Variants in EIF3E observed in about 807,000 individuals in gnomAD.
The protein encoded by EIF3E is eIF-3 p48.
EIF3E carries 25 observed loss-of-function variants against 59.3 expected under a neutral mutation model. The observed-to-expected ratio is 0.42, with a 90% CI of 0.31 to 0.59. EIF3E has a LOEUF of 0.59. EIF3E is among the 20% of genes least tolerant of loss of function. EIF3E has a pLI of 0.15. For synonymous variants in EIF3E, 176 were observed against 170.2 expected (o/e 1.03, Z -0.26); for missense variants, 317 against 534.3 (o/e 0.59, Z 4.01).
Position 108,201,445 on chromosome 8 carries a change from A to G in EIF3E, c.*440T>C, listed in dbSNP as rs1234626837. 6.6e-6 allele frequency: 1 copy of G among 152,196 alleles called. No homozygotes were observed. Among genetic ancestry groups the G allele is most frequent in the African/African-American group, 2.4e-5 (1 of 41,382 alleles). 9.4% of individuals were successfully genotyped at this position (152,196 alleles called of 1,614,324 possible). A position where few individuals can be genotyped will look rare whatever the true frequency, so the allele number is the denominator to read the frequency against. Reference sequence around the variant, plus strand: ...TTGGTTGGGAGTAGGTATGGCTACAAAAAGGTAGCATGAGGGAGATCATGA... The same window carrying G: ...TTGGTTGGGAGTAGGTATGGCTACAGAAAGGTAGCATGAGGGAGATCATGA... On this transcript the variant is annotated 3_prime_UTR_variant, in exon 13 of 13. Transcript: ENST00000220849.
chr8:108,232,554 A>C (rs1202853306), intron 5 of EIF3E, among the ~76,000 whole-genome samples: 2 of 152,188 alleles, frequency 1.3e-5, no homozygotes, highest in Non-Finnish European at 2.9e-5. Context: ...CACCAAACCT[A>C]CAAGTACAAA....
At chr8:108,245,284 G>A (rs1488793589) in intron 1 of EIF3E, among the ~76,000 whole-genome samples, 1 of 152,038 alleles carries the variant, frequency 6.6e-6, no homozygotes, top group Admixed American at 6.6e-5. Flanking sequence ...TGGGTAACAT[G>A]GTGAAACCCC....
At chr8:108,215,831 T>C (rs183442448) in intron 9 of EIF3E, among the ~76,000 whole-genome samples, 17 of 152,326 alleles carry the variant, frequency 1.1e-4, no homozygotes, top group Admixed American at 1.1e-3. Flanking sequence ...ACTTGTAAAC[T>C]AATTATTCAA....
chr8:108,241,961 T>C (rs1441482991), intron 1 of EIF3E, 48 bp from the exon 2 acceptor site: 4 of 1,315,754 alleles, frequency 3.0e-6, no homozygotes, highest in East Asian at 2.3e-5. Flanking sequence ...GTTCCCCAAA[T>C]AAACTGATTA....
At chr8:108,238,676 T>C (rs1455065203) in intron 3 of EIF3E, among the ~76,000 whole-genome samples, 4 of 152,090 alleles carry the variant, frequency 2.6e-5, no homozygotes, top group African/African-American at 9.7e-5. Flanking sequence ...TAGTACGCTA[T>C]AGTATGGCAC....
intron 7 of EIF3E, among the ~76,000 whole-genome samples, chr8:108,224,320 T>C (rs1049411675): frequency 6.6e-6 from 1 of 151,594 alleles, no homozygotes; most frequent in South Asian, 2.1e-4. Flanking sequence ...TACTGTGCTA[T>C]AAGAAATTAG....
At chr8:108,212,724 C>A (rs548968744) in intron 10 of EIF3E, among the ~76,000 whole-genome samples, 1 of 152,034 alleles carries the variant, frequency 6.6e-6, no homozygotes, top group Non-Finnish European at 1.5e-5. Context: ...ATCTCTTGAA[C>A]GCGAGAGGCA....
At chr8:108,236,552 A>G (rs1815733371) in intron 3 of EIF3E, among the ~76,000 whole-genome samples, 1 of 152,220 alleles carries the variant, frequency 6.6e-6, no homozygotes, top group Non-Finnish European at 1.5e-5. Flanking sequence ...TAATCTACTG[A>G]GAATGGTTTT....
At chr8:108,216,178 A>G (rs1815299041) in intron 9 of EIF3E, among the ~76,000 whole-genome samples, 1 of 152,210 alleles carries the variant, frequency 6.6e-6, no homozygotes, top group Middle Eastern at 3.2e-3. Context: ...ACACATGGCA[A>G]CAACATTAAA....
chr8:108,228,658 T>C (rs1387337172), intron 6 of EIF3E, among the ~76,000 whole-genome samples: 1 of 152,162 alleles, frequency 6.6e-6, no homozygotes, highest in African/African-American at 2.4e-5. Flanking sequence ...AGTTATAAAT[T>C]ATAATCATTT....
At chr8:108,213,812 T>C (rs1194108175) in intron 10 of EIF3E, among the ~76,000 whole-genome samples, 1 of 152,176 alleles carries the variant, frequency 6.6e-6, no homozygotes, top group African/African-American at 2.4e-5. Flanking sequence ...AATCCCATGA[T>C]TATACTATCC....
chr8:108,224,453 G>C (rs1401883145), intron 7 of EIF3E, among the ~76,000 whole-genome samples: 1 of 151,332 alleles, frequency 6.6e-6, no homozygotes, highest in East Asian at 1.9e-4. Flanking sequence ...AGAATATGAA[G>C]TCCAGGAAAT....
At chr8:108,245,278 TAACATGGTGAAACCCCATCTCTAC>T in intron 1 of EIF3E, among the ~76,000 whole-genome samples, 1 of 151,916 alleles carries the variant, frequency 6.6e-6, no homozygotes, top group East Asian at 1.9e-4. Context: ...CCAGCCTGGG[TAACATGGTGAAACCCCATCTCTAC>T]AAAAAATACA....
chr8:108,242,065 C>A, intron 1 of EIF3E, 152 bp from the exon 2 acceptor site: 1 of 1,345,228 alleles, frequency 7.4e-7, no homozygotes, highest in Non-Finnish European at 9.9e-7. Context: ...TAATGGCAAG[C>A]AATATGGCAA....
chr8:108,234,926 A>G (rs757746926), intron 5 of EIF3E, 72 bp downstream of exon 5: 5 of 971,540 alleles, frequency 5.1e-6, no homozygotes, highest in South Asian at 3.7e-5. Flanking sequence ...ATCTATATAC[A>G]TGTTTTGAAG....
chr8:108,215,401 A>G (rs2129863568), intron 9 of EIF3E, among the ~76,000 whole-genome samples: 1 of 152,112 alleles, frequency 6.6e-6, no homozygotes. Flanking sequence ...GGCAGATCAC[A>G]AGATCAGGAG....
At chr8:108,212,989 T>G (rs541821345) in intron 10 of EIF3E, among the ~76,000 whole-genome samples, 2 of 152,174 alleles carry the variant, frequency 1.3e-5, no homozygotes, top group African/African-American at 4.8e-5. Context: ...TGTAGATTTT[T>G]GTCTAGCAGA....
At chr8:108,240,955 G>C (rs764550287) in intron 2 of EIF3E, among the ~76,000 whole-genome samples, 8 of 150,824 alleles carry the variant, frequency 5.3e-5, no homozygotes, top group Non-Finnish European at 1.2e-4. Context: ...ACTCCAGCCC[G>C]GGCAACACAG....
At position 108,201,630 on chromosome 8, in the gene EIF3E, A is replaced by T; in HGVS notation, c.*255T>A. On this transcript the variant is annotated 3_prime_UTR_variant, in exon 13 of 13. Transcript: ENST00000220849. ...GAAAAAATTGAGGGAAACAGGGTTC[A>T]GCCTACAGGGACTTCTCTGTACTAT... The T allele has an allele frequency of 3.6e-6, 1 of 279,022 alleles. No homozygotes were observed. The highest frequency in any genetic ancestry group is 6.8e-6 in the Non-Finnish European group (1 of 147,368). The allele number at this position is 279,022 out of a possible 1,614,324, so 17.3% of individuals were successfully genotyped here.
Sources: allele counts gnomAD v4.1 joint callset (sites outside exome capture counted in the v4.1 genomes callset), GRCh38; gene constraint gnomAD v4.1.1; transcripts MANE v1.5; gene names NCBI Gene and HGNC (gene_info 2026-07-23, HGNC 2026-07-21).